The following DLC1 variants were observed in gnomAD, a reference collection of about 807,000 sequenced individuals.
DLC1 encodes the protein DLC1 Rho GTPase activating protein, also known as rho GTPase-activating protein 7.
In DLC1, 54 loss-of-function variants were observed where a neutral mutation model predicts 140.3. The ratio of observed to expected loss-of-function variants is 0.38; its 90% CI spans 0.31 to 0.48. The LOEUF is 0.48. DLC1 is among the 20% of genes least tolerant of loss of function. The pLI is 0.96. For synonymous variants in DLC1, 986 were observed against 728.1 expected (o/e 1.35, Z -5.70); for missense variants, 2,536 against 1,907.0 (o/e 1.33, Z -6.14).
chr8:13,423,661 T>G (rs1838420659), intron 2 of DLC1, among the ~76,000 whole-genome samples: 1 of 152,210 alleles, frequency 6.6e-6, no homozygotes, highest in African/African-American at 2.4e-5. Flanking sequence ...TGCTCTGATG[T>G]GTGCCATTGC....
At chr8:13,201,511 A>G (rs1827378039) in intron 5 of DLC1, among the ~76,000 whole-genome samples, 1 of 152,290 alleles carries the variant, frequency 6.6e-6, no homozygotes, top group African/African-American at 2.4e-5. Flanking sequence ...AGAACTATAA[A>G]ATATAGCTGA....
At chr8:13,378,363 A>G (rs907670262) in intron 4 of DLC1, among the ~76,000 whole-genome samples, 2 of 151,962 alleles carry the variant, frequency 1.3e-5, no homozygotes, top group African/African-American at 4.8e-5. Context: ...TGATGTATTA[A>G]TTCTCTGTAG....
At position 13,090,254 on chromosome 8, in the gene DLC1, T is replaced by A; in HGVS notation, c.4072A>T (p.Lys1358Ter). ...CCGACAACAGGGTGAAGCCTTACCTTCTTATAGGACAGCTCAGCCTGCTCC... is the reference window on the plus strand; with the variant it reads ...CCGACAACAGGGTGAAGCCTTACCTACTTATAGGACAGCTCAGCCTGCTCC... ...TSEQAELSYKKVSEGPPLRLW... is the reference protein window; with the variant it reads ...TSEQAELSYK The change falls in exon 15 of 18, where the codon AAG (lysine) becomes TAG (stop). Residue 1358 changes from lysine to a stop codon, truncating the protein, a stop_gained and splice_region_variant. Transcript: ENST00000276297. LOFTEE classifies it high-confidence loss of function. 1 of 1,613,746 alleles carries A rather than the reference T, an allele frequency of 6.2e-7. No individual in the cohort carries two copies. Among genetic ancestry groups the A allele is most frequent in the Non-Finnish European group, 8.5e-7 (1 of 1,179,892 alleles).
chr8:13,348,385 A>T (rs892614440), intron 4 of DLC1, among the ~76,000 whole-genome samples: 1 of 152,178 alleles, frequency 6.6e-6, no homozygotes, highest in East Asian at 1.9e-4. Context: ...ACACAAGGTA[A>T]ATATTATTCT....
intron 7 of DLC1, among the ~76,000 whole-genome samples, chr8:13,104,080 G>A (rs1277139906): frequency 1.3e-5 from 2 of 151,990 alleles, no homozygotes; most frequent in African/African-American, 4.8e-5. Flanking sequence ...GGAAATTGAA[G>A]CCCTCTTTAA....
intron 5 of DLC1, among the ~76,000 whole-genome samples, chr8:13,279,511 A>T (rs1831291202): frequency 6.6e-6 from 1 of 152,204 alleles, no homozygotes; most frequent in South Asian, 2.1e-4. Context: ...TTCTTGGCAG[A>T]GTATTTCAGG....
At chr8:13,347,713 C>T (rs1017451948) in intron 4 of DLC1, among the ~76,000 whole-genome samples, 1 of 152,080 alleles carries the variant, frequency 6.6e-6, no homozygotes, top group Non-Finnish European at 1.5e-5. Flanking sequence ...AGTCTCTCTC[C>T]TATATGGGCA....
chr8:13,357,057 C>T (rs984637865), intron 4 of DLC1, among the ~76,000 whole-genome samples: 13 of 151,676 alleles, frequency 8.6e-5, no homozygotes, highest in Non-Finnish European at 1.5e-4. Flanking sequence ...TCACTTGAGG[C>T]CAGGAGTTTG....
intron 2 of DLC1, among the ~76,000 whole-genome samples, chr8:13,490,493 G>A (rs923522373): frequency 6.6e-6 from 1 of 152,176 alleles, no homozygotes; most frequent in Admixed American, 6.5e-5. Flanking sequence ...AACAGATCCT[G>A]TTGGCACCAC....
rs141028457 is a variant in DLC1, at chr8:13,099,506, G to A, written c.2831C>T (p.Pro944Leu). Residue 944 changes from proline (P) to leucine (L), a missense_variant, in exon 9 of 18, where the codon CCG (proline) becomes CTG (leucine). Physicochemically the swap from Pro to Leu is moderately conservative, Grantham distance 98. Coordinates refer to ENST00000276297, the MANE Select transcript of DLC1 (RefSeq NM_182643.3). ...DSALDSVSPC[P>L]SSPKQIHLDV... is the part of the protein sequence containing the mutation. ...CAGGTGTATCTGTTTTGGAGAGGAC[G>A]GGCAGGGAGAGACCGAGTCCAGGGC... 5.0e-5 allele frequency: 80 copies of A among 1,614,014 alleles called. No homozygotes were observed. The highest frequency in any genetic ancestry group is 4.5e-4 in the South Asian group (41 of 91,080).
rs143562111 is a variant in DLC1 at position 13,514,180 on chromosome 8, A to G, written c.-126+422T>C. Among the ~76,000 whole-genome samples the G allele has an allele frequency of 1.5e-3, 228 of 152,268 alleles. 1 individual carries two copies. Among genetic ancestry groups the G allele is most frequent in the African/African-American group, 5.2e-3 (218 of 41,540 alleles). On this transcript the variant is annotated intron_variant, in intron 1 of 17. Transcript: ENST00000276297. ...ACTCTTTGGAGACTGATTATTAAGCACAAGTCACTCGGGTGCTTTCTACTC... is the reference window on the plus strand; with the variant it reads ...ACTCTTTGGAGACTGATTATTAAGCGCAAGTCACTCGGGTGCTTTCTACTC...
chr8:13,575,022 A>C (rs760427230), intron 1 of DLC1, among the ~76,000 whole-genome samples: 1 of 152,240 alleles, frequency 6.6e-6, no homozygotes, highest in Non-Finnish European at 1.5e-5. Context: ...ATACACAAAT[A>C]GTCAATTTGA....
At chr8:13,260,983 T>G (rs925185368) in intron 5 of DLC1, among the ~76,000 whole-genome samples, 1 of 152,168 alleles carries the variant, frequency 6.6e-6, no homozygotes, top group Non-Finnish European at 1.5e-5. Context: ...TGTGTATGCC[T>G]TTTGGTTTAT....
intron 5 of DLC1, among the ~76,000 whole-genome samples, chr8:13,119,724 G>C (rs1005463166): frequency 1.1e-4 from 17 of 152,002 alleles, no homozygotes; most frequent in African/African-American, 3.9e-4. Context: ...GGCCTAGGTG[G>C]GAGTATCATT....
chr8:13,463,561 T>C (rs957709702), intron 2 of DLC1, among the ~76,000 whole-genome samples: 5 of 152,232 alleles, frequency 3.3e-5, no homozygotes, highest in Non-Finnish European at 5.9e-5. Flanking sequence ...GAAATAGGCC[T>C]GTTGAATGTA....
intron 1 of DLC1, among the ~76,000 whole-genome samples, chr8:13,544,975 G>T (rs775702462): frequency 6.6e-6 from 1 of 152,074 alleles, no homozygotes; most frequent in Non-Finnish European, 1.5e-5. Context: ...AAGTTTAATA[G>T]CACCCCCCCT....
rs139550982 is a variant in DLC1, at chr8:13,189,239, G to A, written c.1349-73582C>T. Among the ~76,000 whole-genome samples, 708 of 152,154 alleles carry A rather than the reference G, an allele frequency of 4.7e-3. 6 individuals are homozygous for A. The highest frequency in any genetic ancestry group is 0.016 in the African/African-American group (668 of 41,520). ...TTAAGGTTATATACAGATTCATTTC[G>A]TTTGTTTGTTTATGAACCATTTGTT... On this transcript the variant is annotated intron_variant, in intron 5 of 17. Coordinates refer to ENST00000276297, the MANE Select transcript of DLC1 (RefSeq NM_182643.3).
At chr8:13,390,681 G>A (rs1586259649) in intron 4 of DLC1, among the ~76,000 whole-genome samples, 1 of 152,274 alleles carries the variant, frequency 6.6e-6, no homozygotes, top group East Asian at 1.9e-4. Flanking sequence ...TTCTGCACAT[G>A]TATCCTGGAA....
At chr8:13,574,458 A>G (rs1295047448) in intron 1 of DLC1, among the ~76,000 whole-genome samples, 1 of 152,136 alleles carries the variant, frequency 6.6e-6, no homozygotes, top group African/African-American at 2.4e-5. Flanking sequence ...AATACTCTAT[A>G]GTTACACCCA....
Sources: allele counts gnomAD v4.1 joint callset (sites outside exome capture counted in the v4.1 genomes callset), GRCh38; gene constraint gnomAD v4.1.1; transcripts MANE v1.5; gene names NCBI Gene and HGNC (gene_info 2026-07-23, HGNC 2026-07-21).